Variants in SDK1 observed in about 807,000 individuals in gnomAD.
SDK1 encodes the protein sidekick cell adhesion molecule 1.
Under a neutral mutation model 245.5 loss-of-function variants are expected in SDK1, and 157 were observed. That is an observed-to-expected ratio of 0.64 (90% CI 0.56 to 0.73). The LOEUF (loss-of-function observed/expected upper bound fraction) is 0.73. Among genes scored for constraint, SDK1 ranks in the 30% least tolerant of loss-of-function variants. The pLI, the probability that SDK1 is intolerant of heterozygous loss-of-function variation, is 0.00. For missense variants in SDK1, 3,583 were observed against 3,002.3 expected (o/e 1.19, Z -4.52); for synonymous variants, 1,647 against 1,278.5 (o/e 1.29, Z -6.15).
At chr7:3,477,323 G>A (rs1781377913) in intron 1 of SDK1, among the ~76,000 whole-genome samples, 1 of 149,142 alleles carries the variant, frequency 6.7e-6, no homozygotes, top group South Asian at 2.1e-4. Flanking sequence ...AGCCTCCTGA[G>A]TAGCTGGGAT....
At chr7:4,073,363 A>C (rs963279619) in intron 20 of SDK1, among the ~76,000 whole-genome samples, 4 of 152,238 alleles carry the variant, frequency 2.6e-5, no homozygotes, top group African/African-American at 9.6e-5. Context: ...GTTTCTCTGC[A>C]GATCAGCCTC....
At chr7:3,963,929 C>T (rs1781897523) in intron 9 of SDK1, among the ~76,000 whole-genome samples, 1 of 152,044 alleles carries the variant, frequency 6.6e-6, no homozygotes, top group African/African-American at 2.4e-5. Flanking sequence ...TGGACGTATC[C>T]AGTGAGCACA....
intron 4 of SDK1, among the ~76,000 whole-genome samples, chr7:3,676,451 A>G (rs1486055749): frequency 6.6e-6 from 1 of 150,376 alleles, no homozygotes; most frequent in Non-Finnish European, 1.5e-5. Flanking sequence ...TCAGCTTCCC[A>G]AGTAGCTGGG....
intron 1 of SDK1, among the ~76,000 whole-genome samples, chr7:3,612,126 C>A (rs1004715146): frequency 1.3e-5 from 2 of 152,154 alleles, no homozygotes; most frequent in Admixed American, 6.6e-5. Context: ...TACGACTACA[C>A]ATTGGGTACA....
chr7:4,248,722 G>T (rs368542955), intron 44 of SDK1, among the ~76,000 whole-genome samples: 1 of 151,304 alleles, frequency 6.6e-6, no homozygotes, highest in Non-Finnish European at 1.5e-5. Flanking sequence ...ACACGCACAC[G>T]CACATACCCA....
At chr7:4,251,427 A>C (rs1787288200) in intron 44 of SDK1, among the ~76,000 whole-genome samples, 1 of 152,238 alleles carries the variant, frequency 6.6e-6, no homozygotes, top group African/African-American at 2.4e-5. Context: ...GAACACACTT[A>C]GTCCTCCACC....
In SDK1 at chr7:3,740,900, T is replaced by C. The variant is rs529868386; in HGVS notation, c.714-80550T>C. ...TTCTGCCATTCCTGAGGTCCTTCTT[T>C]TCTCAGATGACATTTTGTGGTTCAT... On this transcript the variant is annotated intron_variant, in intron 4 of 44. Coordinates refer to ENST00000404826, the MANE Select transcript of SDK1 (RefSeq NM_152744.4). Among the ~76,000 whole-genome samples the C allele has an allele frequency of 8.5e-5, 13 of 152,306 alleles. 1 individual carries two copies. The South Asian group carries it at 2.7e-3, about 32-fold the overall frequency.
In SDK1 at chr7:3,800,871, C is replaced by T. The variant is rs540609199; in HGVS notation, c.714-20579C>T. Among the ~76,000 whole-genome samples, 4 of 152,290 alleles carry T rather than the reference C, an allele frequency of 2.6e-5. No individual in the cohort carries two copies. The East Asian group carries it at 7.7e-4, about 29-fold the overall frequency. On this transcript the variant is annotated intron_variant, in intron 4 of 44. Coordinates refer to ENST00000404826, the MANE Select transcript of SDK1 (RefSeq NM_152744.4). ...ATTGGAAGCCCGGGTATACCAGCAGCCTGGCCCAGTTTTTGTCTTGGCCTA... is the reference window on the plus strand; with the variant it reads ...ATTGGAAGCCCGGGTATACCAGCAGTCTGGCCCAGTTTTTGTCTTGGCCTA...
chr7:3,314,155 C>G (rs1233324817), intron 1 of SDK1, among the ~76,000 whole-genome samples: 1 of 152,000 alleles, frequency 6.6e-6, no homozygotes, highest in Non-Finnish European at 1.5e-5. Flanking sequence ...AAATAGGACC[C>G]TAGCAGGGAT....
At chr7:3,638,164 A>G (rs1256766735) in intron 2 of SDK1, among the ~76,000 whole-genome samples, 2 of 152,244 alleles carry the variant, frequency 1.3e-5, no homozygotes, top group African/African-American at 4.8e-5. Context: ...ACAGTGATGA[A>G]TAAGACAGAA....
chr7:4,212,863 C>G (rs1186070216), intron 38 of SDK1, among the ~76,000 whole-genome samples: 1 of 152,210 alleles, frequency 6.6e-6, no homozygotes, highest in Non-Finnish European at 1.5e-5. Flanking sequence ...TTTTCCCATT[C>G]TTCCTCAAGT....
intron 20 of SDK1, among the ~76,000 whole-genome samples, chr7:4,075,656 C>CTT (rs1367898161): frequency 4.5e-4 from 63 of 141,230 alleles, no homozygotes; most frequent in African/African-American, 1.4e-3. Flanking sequence ...CTTATTTCTC[C>CTT]TTTTTTTTTT....
intron 1 of SDK1, among the ~76,000 whole-genome samples, chr7:3,356,438 T>C (rs1780796917): frequency 6.6e-6 from 1 of 152,158 alleles, no homozygotes; most frequent in African/African-American, 2.4e-5. Flanking sequence ...CATGACCTTA[T>C]CCCCAAGTCT....
chr7:4,101,228 G>A (rs530042374), intron 22 of SDK1, among the ~76,000 whole-genome samples: 115 of 149,422 alleles, frequency 7.7e-4, no homozygotes, highest in African/African-American at 2.6e-3. Context: ...GGCAAGCTCC[G>A]CCTCCCGGGT....
intron 4 of SDK1, among the ~76,000 whole-genome samples, chr7:3,694,521 G>A (rs960761282): frequency 3.3e-5 from 5 of 152,038 alleles, no homozygotes; most frequent in African/African-American, 1.2e-4. Flanking sequence ...CTCAGTCGGG[G>A]ACCTCTGGTT....
At chr7:3,580,776 G>A (rs1780454114) in intron 1 of SDK1, among the ~76,000 whole-genome samples, 1 of 152,002 alleles carries the variant, frequency 6.6e-6, no homozygotes, top group South Asian at 2.1e-4. Flanking sequence ...AGACGATCCT[G>A]GCTAACACCG....
chr7:4,217,440 A>G (rs370454548), intron 38 of SDK1, among the ~76,000 whole-genome samples: 3 of 71,228 alleles, frequency 4.2e-5, no homozygotes, highest in African/African-American at 5.9e-5. Flanking sequence ...CCACTCGGAG[A>G]ACCACACCAC....
At chr7:3,563,999 G>T (rs1027475377) in intron 1 of SDK1, among the ~76,000 whole-genome samples, 1 of 151,988 alleles carries the variant, frequency 6.6e-6, no homozygotes, top group African/African-American at 2.4e-5. Flanking sequence ...AGAACTGAAA[G>T]ACAGTGAAAA....
chr7:3,623,850 A>T (rs1300337658), intron 2 of SDK1, among the ~76,000 whole-genome samples: 1 of 152,208 alleles, frequency 6.6e-6, no homozygotes, highest in Non-Finnish European at 1.5e-5. Flanking sequence ...TAGTTTTCTT[A>T]TGTAACCTGC....
Sources: allele counts gnomAD v4.1 joint callset (sites outside exome capture counted in the v4.1 genomes callset), GRCh38; gene constraint gnomAD v4.1.1; transcripts MANE v1.5; gene names NCBI Gene and HGNC (gene_info 2026-07-23, HGNC 2026-07-21).